Variants in SORCS3 observed in about 807,000 individuals in gnomAD.
SORCS3 encodes the protein VPS10 domain-containing receptor SorCS3.
In SORCS3, 57 loss-of-function variants were observed where a neutral mutation model predicts 146.3. The ratio of observed to expected loss-of-function variants is 0.39; its 90% CI spans 0.31 to 0.49. The LOEUF (loss-of-function observed/expected upper bound fraction) is 0.49. Ranked by LOEUF, SORCS3 falls within the 20% of genes least tolerant of loss-of-function variation. The pLI, the probability that SORCS3 is intolerant of heterozygous loss-of-function variation, is 0.92. For missense variants in SORCS3, 1,341 were observed against 1,575.5 expected, an observed-to-expected ratio of 0.85 and a Z score of 2.52; for synonymous variants, 653 against 618.5, an observed-to-expected ratio of 1.06 and a Z score of -0.83.
In SORCS3 at chr10:105,162,930, C is replaced by T. The variant is rs76471741; in HGVS notation, c.1733-1373C>T. Among the ~76,000 whole-genome samples, 368 of 152,282 alleles carry T rather than the reference C, an allele frequency of 2.4e-3. 2 individuals carry two copies. The highest frequency in any genetic ancestry group is 8.3e-3 in the African/African-American group (346 of 41,556). On this transcript the variant is annotated intron_variant, in intron 11 of 26. Coordinates refer to ENST00000369701, the MANE Select transcript of SORCS3 (RefSeq NM_014978.3). ...CCAAAGAATCCTTCTTAACACAATG[C>T]TCCAGGTTAGCACAACCACTAAGCG...
intron 3 of SORCS3, among the ~76,000 whole-genome samples, chr10:104,971,022 T>C (rs1293078731): frequency 6.6e-6 from 1 of 152,214 alleles, no homozygotes; most frequent in Non-Finnish European, 1.5e-5. Context: ...CACTTGCTTA[T>C]TTAGGAACTC....
chr10:105,110,312 T>A (rs1298598149), intron 7 of SORCS3, among the ~76,000 whole-genome samples: 1 of 152,120 alleles, frequency 6.6e-6, no homozygotes, highest in African/African-American at 2.4e-5. Flanking sequence ...TCATACAGGT[T>A]ATTTTAAATT....
intron 1 of SORCS3, among the ~76,000 whole-genome samples, chr10:104,842,201 C>G (rs1048901054): frequency 1.3e-5 from 2 of 152,210 alleles, no homozygotes; most frequent in African/African-American, 4.8e-5. Flanking sequence ...GATCTGCTTA[C>G]TCCATAGTAG....
chr10:104,952,513 T>C (rs1027055928), intron 3 of SORCS3, among the ~76,000 whole-genome samples: 1 of 152,194 alleles, frequency 6.6e-6, no homozygotes, highest in Non-Finnish European at 1.5e-5. Flanking sequence ...CGAAATTATG[T>C]ATTTTCTCTC....
chr10:104,856,433 G>A (rs1589525118), intron 2 of SORCS3, among the ~76,000 whole-genome samples: 1 of 132,132 alleles, frequency 7.6e-6, no homozygotes, highest in East Asian at 2.1e-4. Context: ...ATGATATTAT[G>A]TTATGATTAT....
chr10:104,961,577 G>T (rs1337212683), intron 3 of SORCS3, among the ~76,000 whole-genome samples: 1 of 152,036 alleles, frequency 6.6e-6, no homozygotes, highest in Non-Finnish European at 1.5e-5. Flanking sequence ...AAAAAATAAT[G>T]TGGCCACCAA....
chr10:105,085,335 T>G (rs2055653299), intron 5 of SORCS3, among the ~76,000 whole-genome samples: 1 of 152,230 alleles, frequency 6.6e-6, no homozygotes, highest in South Asian at 2.1e-4. Flanking sequence ...CAGCTCAGAT[T>G]GTGGTGAAGA....
intron 3 of SORCS3, among the ~76,000 whole-genome samples, chr10:104,950,068 A>AT (rs1163934722): frequency 2.6e-5 from 4 of 152,238 alleles, no homozygotes; most frequent in Non-Finnish European, 5.9e-5. Flanking sequence ...AGTCAGGACA[A>AT]TAAGAGATAA....
chr10:105,138,781 A>G (rs758257064), intron 7 of SORCS3, among the ~76,000 whole-genome samples: 8 of 152,194 alleles, frequency 5.3e-5, no homozygotes, highest in Non-Finnish European at 7.3e-5. Context: ...TCAGACTCAA[A>G]CCCAGGACTT....
intron 13 of SORCS3, among the ~76,000 whole-genome samples, chr10:105,177,162 T>A (rs2056411260): frequency 6.6e-6 from 1 of 152,072 alleles, no homozygotes; most frequent in Non-Finnish European, 1.5e-5. Context: ...GGAGAAGGCC[T>A]GGGTATTATA....
At chr10:105,131,760 A>C (rs2056020804) in intron 7 of SORCS3, among the ~76,000 whole-genome samples, 1 of 152,130 alleles carries the variant, frequency 6.6e-6, no homozygotes, top group African/African-American at 2.4e-5. Context: ...CAGACACATA[A>C]TATGGCCAGA....
chr10:105,237,814 A>T (rs1334501696), intron 20 of SORCS3, among the ~76,000 whole-genome samples: 1 of 152,182 alleles, frequency 6.6e-6, no homozygotes, highest in African/African-American at 2.4e-5. Flanking sequence ...ATGAAATAGA[A>T]ATTATCCCCT....
chr10:104,803,269 G>T (rs1343447562), intron 1 of SORCS3, among the ~76,000 whole-genome samples: 2 of 152,198 alleles, frequency 1.3e-5, no homozygotes, highest in Non-Finnish European at 2.9e-5. Context: ...TGGTAGAAGT[G>T]GTTCTGTTTC....
chr10:105,052,059 C>T (rs1052629447), intron 5 of SORCS3, among the ~76,000 whole-genome samples: 2 of 152,072 alleles, frequency 1.3e-5, no homozygotes, highest in East Asian at 1.9e-4. Context: ...CTGAGCAAGA[C>T]AGAATGGTCA....
In SORCS3 at chr10:105,252,871, G is replaced by A; in HGVS notation, c.3202G>A (p.Glu1068Lys). 6.2e-7 allele frequency: 1 copy of A among 1,613,930 alleles called. No homozygotes were observed. The highest frequency in any genetic ancestry group is 8.5e-7 in the Non-Finnish European group (1 of 1,179,926). ...LFILPPKNLT[E>K]RRKGNEGDLE... ...CATTCTTCCACCCAAGAACCTGACA[G>A]AGAGGAGGAAAGGCAATGAAGGGGA... The change falls in exon 23 of 27, where the codon GAG becomes AAG. Residue 1068 changes from glutamate (E) to lysine (K), a missense_variant. Transcript: ENST00000369701.
At position 105,211,927 on chromosome 10, in the gene SORCS3, G is replaced by C. The variant is rs80030704; in HGVS notation, c.2375+677G>C. Among the ~76,000 whole-genome samples the C allele has an allele frequency of 3.3e-3, 505 of 152,230 alleles. 19 individuals are homozygous for C. The East Asian group carries it at 0.089, about 27-fold the overall frequency. On this transcript the variant is annotated intron_variant, in intron 17 of 26. Coordinates refer to ENST00000369701, the MANE Select transcript of SORCS3 (RefSeq NM_014978.3). The stretch of plus-strand genomic sequence containing the variant: ...CATCTGGGGATCTTTTTAAAATGCA[G>C]CTTCTGATTTGGGAGATCTGGGGTG...
intron 1 of SORCS3, among the ~76,000 whole-genome samples, chr10:104,789,836 T>TGAGG (rs2017476406): frequency 6.6e-6 from 1 of 152,218 alleles, no homozygotes; most frequent in Non-Finnish European, 1.5e-5. Context: ...CCTCTGGCTG[T>TGAGG]GTGATCCTGG....
At position 104,846,889 on chromosome 10, in the gene SORCS3, C is replaced by T. The variant is rs538064632; in HGVS notation, c.695+4030C>T. Reference sequence around the variant, plus strand: ...TCCCTGAGTTACCTGGGTCATAAGGCTGAGATTAGGAGCACTCCCTGGCTC... The same window carrying T: ...TCCCTGAGTTACCTGGGTCATAAGGTTGAGATTAGGAGCACTCCCTGGCTC... On this transcript the variant is annotated intron_variant, in intron 2 of 26. Coordinates refer to ENST00000369701, the MANE Select transcript of SORCS3 (RefSeq NM_014978.3). 3.3e-5 allele frequency among the ~76,000 whole-genome samples: 5 copies of T among 152,314 alleles called. No homozygotes were observed. The South Asian group carries it at 1.0e-3, about 32-fold the overall frequency.
At chr10:104,842,020 C>T (rs1462707171) in intron 1 of SORCS3, among the ~76,000 whole-genome samples, 4 of 152,274 alleles carry the variant, frequency 2.6e-5, no homozygotes, top group Non-Finnish European at 5.9e-5. Flanking sequence ...ACAGCCAAGT[C>T]CCCAGCTAGA....
Sources: allele counts gnomAD v4.1 joint callset (sites outside exome capture counted in the v4.1 genomes callset), GRCh38; gene constraint gnomAD v4.1.1; transcripts MANE v1.5; gene names NCBI Gene and HGNC (gene_info 2026-07-23, HGNC 2026-07-21).